Variants in ATF7IP observed in about 807,000 individuals in gnomAD.
ATF7IP encodes the protein activating transcription factor 7 interacting protein, also known as activating transcription factor 7-interacting protein 1.
In ATF7IP, 23 loss-of-function variants were observed where a neutral mutation model predicts 106.4. That is an observed-to-expected ratio of 0.22 (90% CI 0.16 to 0.31). ATF7IP has a LOEUF of 0.31. Among genes scored for constraint, ATF7IP ranks in the 10% least tolerant of loss-of-function variants. The pLI is 1.00. For missense variants in ATF7IP, 1,334 were observed against 1,524.3 expected (o/e 0.88, Z 2.08); for synonymous variants, 542 against 539.0 (o/e 1.01, Z -0.08).
intron 5 of ATF7IP, among the ~76,000 whole-genome samples, chr12:14,441,252 T>G (rs950807709): frequency 1.3e-5 from 2 of 152,188 alleles, no homozygotes; most frequent in African/African-American, 2.4e-5. Flanking sequence ...ATTTTTACTT[T>G]CTTTTTTTAT....
intron 1 of ATF7IP, among the ~76,000 whole-genome samples, chr12:14,369,780 C>G (rs1042531449): frequency 1.2e-4 from 17 of 137,912 alleles, no homozygotes; most frequent in African/African-American, 5.7e-4. Context: ...CATTTTTTTC[C>G]AGATATCTAG....
intron 1 of ATF7IP, among the ~76,000 whole-genome samples, chr12:14,422,312 T>TAC (rs59503201): frequency 0.13 from 18,043 of 142,022 alleles, 1,099 homozygotes; most frequent in Non-Finnish European, 0.16. Context: ...AAAAAGAGAA[T>TAC]ACACACACAC....
Position 14,497,687 on chromosome 12 carries a change from C to T in ATF7IP, c.3427C>T (p.Pro1143Ser). ...ACGCCCCGTGCACCCAGCACCCTTA[C>T]CAGAAGCTCCACAACCACAGCGTCT... is the stretch of plus-strand genomic sequence containing the variant. The part of the protein sequence containing the change: ...PPRPVHPAPL[P>S]EAPQPQRLPP... Residue 1143 changes from proline (P) to serine (S), a missense_variant, in exon 15 of 15, where the codon CCA (proline) becomes TCA (serine). By Grantham distance (74) the Pro-to-Ser change is moderately conservative. Around this residue, in one of 10 missense-constraint regions of ATF7IP, gnomAD observed 370 missense variants for 401.2 expected, o/e 0.92. Transcript: ENST00000261168. 6.2e-7 allele frequency: 1 copy of T among 1,614,152 alleles called. No homozygotes were observed. The highest frequency in any genetic ancestry group is 8.5e-7 in the Non-Finnish European group (1 of 1,180,002).
intron 1 of ATF7IP, among the ~76,000 whole-genome samples, chr12:14,423,606 C>G (rs1209255925): frequency 3.2e-5 from 1 of 31,508 alleles, no homozygotes; most frequent in Non-Finnish European, 6.4e-5. Flanking sequence ...TTTACTTTAT[C>G]TACCTTTTTT....
intron 10 of ATF7IP, among the ~76,000 whole-genome samples, chr12:14,470,719 T>G (rs1325324913): frequency 6.6e-6 from 1 of 152,150 alleles, no homozygotes; most frequent in Non-Finnish European, 1.5e-5. Flanking sequence ...TAGCACAGAG[T>G]CTAATTGGAG....
At chr12:14,422,293 A>G (rs776995091) in intron 1 of ATF7IP, among the ~76,000 whole-genome samples, 2 of 149,500 alleles carry the variant, frequency 1.3e-5, no homozygotes, top group Non-Finnish European at 3.0e-5. Context: ...CTGTAGCACA[A>G]CTTACCAAAA....
intron 1 of ATF7IP, among the ~76,000 whole-genome samples, chr12:14,393,456 G>A (rs917645531): frequency 2.6e-5 from 4 of 152,186 alleles, no homozygotes; most frequent in South Asian, 2.1e-4. Context: ...CTGCTGGTGG[G>A]TCATAGATCC....
chr12:14,445,245 T>C (rs532727339), intron 5 of ATF7IP, among the ~76,000 whole-genome samples: 5 of 152,232 alleles, frequency 3.3e-5, no homozygotes, highest in Admixed American at 6.5e-5. Flanking sequence ...TGTCTCAGCC[T>C]CCCAAAGTAT....
chr12:14,437,855 C>T (rs1329201505), intron 4 of ATF7IP, among the ~76,000 whole-genome samples: 2 of 152,024 alleles, frequency 1.3e-5, no homozygotes, highest in Non-Finnish European at 2.9e-5. Flanking sequence ...AGATCGAGAC[C>T]ATCCCGGCTA....
At chr12:14,456,505 A>T (rs576361366) in intron 6 of ATF7IP, 56 bp from the exon 7 acceptor site, 57 of 1,239,610 alleles carry the variant, frequency 4.6e-5, no homozygotes, top group Non-Finnish European at 5.5e-5. Flanking sequence ...ATTTTTTTTT[A>T]AAGATTCCCT....
chr12:14,475,376 T>C lies in ATF7IP; in HGVS notation c.2863-514T>C, dbSNP rs187662248. ...AAAGGTTTTTCTTATAATCCTAATATTTCTCATGATTTTGGATGATGGGTT... is the reference window on the plus strand; with the variant it reads ...AAAGGTTTTTCTTATAATCCTAATACTTCTCATGATTTTGGATGATGGGTT... On this transcript the variant is annotated intron_variant, in intron 10 of 14. Coordinates refer to ENST00000261168, the MANE Select transcript of ATF7IP (RefSeq NM_018179.5). Among the ~76,000 whole-genome samples, 203 of 152,344 alleles carry C rather than the reference T, an allele frequency of 1.3e-3. 1 individual carries two copies. Among genetic ancestry groups the C allele is most frequent in the African/African-American group, 4.8e-3 (198 of 41,576 alleles).
At chr12:14,443,778 G>A (rs1942821150) in intron 5 of ATF7IP, among the ~76,000 whole-genome samples, 1 of 152,108 alleles carries the variant, frequency 6.6e-6, no homozygotes, top group Non-Finnish European at 1.5e-5. Flanking sequence ...GAACCCAATA[G>A]AATTAAGTTG....
intron 6 of ATF7IP, among the ~76,000 whole-genome samples, chr12:14,450,188 A>C (rs1353416981): frequency 6.6e-6 from 1 of 152,138 alleles, no homozygotes; most frequent in African/African-American, 2.4e-5. Flanking sequence ...TTGGTTTAGA[A>C]TTTCTCATAC....
At chr12:14,373,869 G>A (rs930060091) in intron 1 of ATF7IP, among the ~76,000 whole-genome samples, 4 of 151,858 alleles carry the variant, frequency 2.6e-5, no homozygotes, top group Admixed American at 1.3e-4. Flanking sequence ...TCTGCTTGCC[G>A]TTGAAAACAT....
In ATF7IP at chr12:14,436,141, G is replaced by A; in HGVS notation, c.1681G>A (p.Asp561Asn). 2.5e-6 allele frequency: 4 copies of A among 1,613,334 alleles called. No individual in the cohort carries two copies. Among genetic ancestry groups the A allele is most frequent in the Non-Finnish European group, 3.4e-6 (4 of 1,179,666 alleles). The change falls in exon 4 of 15, where the codon GAC (aspartate) becomes AAC (asparagine). Residue 561 changes from aspartate (D) to asparagine (N), a missense_variant. By Grantham distance (23) the Asp-to-Asn change is conservative. This residue lies in a region of ATF7IP where 119 missense variants were observed against 117.8 expected (regional missense o/e 1.01). Coordinates refer to ENST00000261168, the MANE Select transcript of ATF7IP (RefSeq NM_018179.5). ...TAGACGAAAACGTTCTAAATCAGAA[G>A]ACATGGACAATGTACAGTCTAAACG... ...FSRRKRSKSE[D>N]MDNVQSKRRR... is the part of the protein sequence containing the mutation.
At chr12:14,479,074 A>G (rs1213716027) in intron 12 of ATF7IP, among the ~76,000 whole-genome samples, 2 of 152,186 alleles carry the variant, frequency 1.3e-5, no homozygotes, top group Non-Finnish European at 2.9e-5. Context: ...TCTGAGTTAT[A>G]TTCTTGAGAC....
At chr12:14,483,799 C>G (rs554843658) in intron 13 of ATF7IP, among the ~76,000 whole-genome samples, 2 of 152,148 alleles carry the variant, frequency 1.3e-5, no homozygotes, top group African/African-American at 2.4e-5. Flanking sequence ...AAGGCCATTC[C>G]TTTTGAATGC....
At chr12:14,474,936 C>T (rs1030885078) in intron 10 of ATF7IP, among the ~76,000 whole-genome samples, 1 of 152,052 alleles carries the variant, frequency 6.6e-6, no homozygotes, top group Non-Finnish European at 1.5e-5. Flanking sequence ...AACCCATTTT[C>T]TGTGAAATCA....
At chr12:14,384,612 T>G (rs1006722025) in intron 1 of ATF7IP, among the ~76,000 whole-genome samples, 20 of 152,190 alleles carry the variant, frequency 1.3e-4, no homozygotes, top group African/African-American at 4.8e-4. Flanking sequence ...GAGAAGAAAT[T>G]ATTTTTATAT....
Sources: gnomAD v4.1 joint callset for allele counts (sites outside exome capture counted in the v4.1 genomes callset) on GRCh38, gnomAD v4.1.1 for gene constraint, gnomAD v4.1.1 regional missense constraint, MANE v1.5 for transcripts, NCBI Gene and HGNC (gene_info 2026-07-23, HGNC 2026-07-21) for gene names.